GOLIM4: variants seen among roughly 807,000 people sequenced by gnomAD.
The protein encoded by GOLIM4 is golgi integral membrane protein 4.
GOLIM4 carries 71 observed loss-of-function variants against 107.4 expected under a neutral mutation model. The ratio of observed to expected loss-of-function variants is 0.66; its 90% CI spans 0.55 to 0.81. GOLIM4 has a LOEUF of 0.81. Among genes scored for constraint, GOLIM4 ranks in the 30% least tolerant of loss-of-function variants. GOLIM4 has a pLI of 0.00. For synonymous variants in GOLIM4, 327 were observed against 294.8 expected, an observed-to-expected ratio of 1.11 and a Z score of -1.12; for missense variants, 830 against 826.1, an observed-to-expected ratio of 1.00 and a Z score of -0.06.
intron 1 of GOLIM4, among the ~76,000 whole-genome samples, chr3:168,083,094 C>CT (rs2108290856): frequency 6.6e-6 from 1 of 152,292 alleles, no homozygotes; most frequent in East Asian, 1.9e-4. Flanking sequence ...TCAGAACACA[C>CT]TTAATGACCT....
intron 8 of GOLIM4, among the ~76,000 whole-genome samples, chr3:168,033,343 C>T (rs1484183209): frequency 6.6e-5 from 10 of 152,120 alleles, no homozygotes; most frequent in East Asian, 5.8e-4. Flanking sequence ...CGGTGGCTCA[C>T]GCCTGTAATC....
chr3:168,074,115 G>A (rs1720959265), intron 1 of GOLIM4, among the ~76,000 whole-genome samples: 1 of 152,202 alleles, frequency 6.6e-6, no homozygotes, highest in African/African-American at 2.4e-5. Flanking sequence ...CGCACACAGA[G>A]AGAAACAGGT....
rs777487495 is a variant in GOLIM4 at position 168,032,767 on chromosome 3, T to C, written c.929A>G (p.Lys310Arg). ...TGGGGGAGCCTGAAATTCTGCCTCC[T>C]TATGGGTGGGAGCATAGAGTTTTGT... Reference protein sequence around the residue: ...EDTKLYAPTHKEAEFQAPPEP... With the variant: ...EDTKLYAPTHREAEFQAPPEP... The change falls in exon 9 of 16, where the codon AAG becomes AGG. Residue 310 changes from lysine (K) to arginine (R), a missense_variant. Lys to Arg is a conservative substitution (Grantham distance 26). Coordinates refer to ENST00000470487, the MANE Select transcript of GOLIM4 (RefSeq NM_014498.5). 17 of 1,614,012 alleles carry C rather than the reference T, an allele frequency of 1.1e-5. No individual in the cohort carries two copies. The highest frequency in any genetic ancestry group is 1.4e-5 in the Non-Finnish European group (17 of 1,179,906).
intron 1 of GOLIM4, among the ~76,000 whole-genome samples, chr3:168,076,197 A>G (rs1721076120): frequency 6.6e-6 from 1 of 152,220 alleles, no homozygotes; most frequent in Admixed American, 6.5e-5. Flanking sequence ...TATTACTGAC[A>G]TATTTTTCAC....
chr3:168,035,166 G>A (rs1009999538), intron 8 of GOLIM4, among the ~76,000 whole-genome samples: 4 of 152,102 alleles, frequency 2.6e-5, no homozygotes, highest in Admixed American at 1.3e-4. Context: ...AGATTCTGGC[G>A]AGGTTGTGAA....
At chr3:168,054,426 T>C (rs1283132426) in intron 1 of GOLIM4, among the ~76,000 whole-genome samples, 1 of 152,170 alleles carries the variant, frequency 6.6e-6, no homozygotes, top group Admixed American at 6.5e-5. Context: ...CTCACTGCTC[T>C]TGCTCCAGGT....
intron 7 of GOLIM4, among the ~76,000 whole-genome samples, chr3:168,037,206 G>C (rs1718704732): frequency 6.6e-6 from 1 of 152,084 alleles, no homozygotes; most frequent in South Asian, 2.1e-4. Flanking sequence ...GAAGGAAACA[G>C]AAAAAATATC....
At chr3:168,053,600 G>T (rs7615282) in intron 1 of GOLIM4, among the ~76,000 whole-genome samples, 1 of 152,148 alleles carries the variant, frequency 6.6e-6, no homozygotes, top group Non-Finnish European at 1.5e-5. Context: ...AGAATAAATT[G>T]AAATTAATAT....
At chr3:168,021,156 A>G (rs977532564) in intron 14 of GOLIM4, among the ~76,000 whole-genome samples, 1 of 152,224 alleles carries the variant, frequency 6.6e-6, no homozygotes, top group African/African-American at 2.4e-5. Flanking sequence ...AGAGTCTGAA[A>G]TGGGCTTTGG....
At chr3:168,046,038 C>T (rs1056658259) in intron 3 of GOLIM4, among the ~76,000 whole-genome samples, 2 of 152,260 alleles carry the variant, frequency 1.3e-5, no homozygotes, top group Non-Finnish European at 1.5e-5. Flanking sequence ...TGTACCATCA[C>T]GCCCAGCTAA....
intron 1 of GOLIM4, among the ~76,000 whole-genome samples, chr3:168,094,089 A>T (rs1014011888): frequency 2.0e-5 from 3 of 152,234 alleles, no homozygotes. Context: ...CTGCATAAGT[A>T]TTGAAAACTA....
chr3:168,031,249 G>A (rs1413458980), intron 9 of GOLIM4, among the ~76,000 whole-genome samples: 1 of 152,112 alleles, frequency 6.6e-6, no homozygotes, highest in Non-Finnish European at 1.5e-5. Flanking sequence ...GAAGGAATAA[G>A]ACCTAATGTT....
At chr3:168,087,086 C>A (rs1161071856) in intron 1 of GOLIM4, among the ~76,000 whole-genome samples, 1 of 152,070 alleles carries the variant, frequency 6.6e-6, no homozygotes, top group Non-Finnish European at 1.5e-5. Flanking sequence ...TGCAGGCACC[C>A]CTCAGGCGAG....
intron 1 of GOLIM4, among the ~76,000 whole-genome samples, chr3:168,083,873 G>C (rs116121971): frequency 0.014 from 2,103 of 152,296 alleles, 54 homozygotes; most frequent in African/African-American, 0.046. Flanking sequence ...AATTCAGCAT[G>C]TGCTGAATGT....
At chr3:168,065,185 C>T (rs1415317803) in intron 1 of GOLIM4, among the ~76,000 whole-genome samples, 1 of 152,118 alleles carries the variant, frequency 6.6e-6, no homozygotes, top group African/African-American at 2.4e-5. Flanking sequence ...CCAATGTCCT[C>T]CTGATGTTAA....
intron 9 of GOLIM4, among the ~76,000 whole-genome samples, chr3:168,030,357 A>G (rs544577833): frequency 6.6e-6 from 1 of 152,220 alleles, no homozygotes; most frequent in African/African-American, 2.4e-5. Flanking sequence ...AGGCTCTGAT[A>G]TAAACAAGTA....
intron 14 of GOLIM4, among the ~76,000 whole-genome samples, chr3:168,023,715 A>G (rs1314564470): frequency 2.0e-5 from 3 of 152,234 alleles, no homozygotes; most frequent in Middle Eastern, 6.3e-3. Context: ...GTCCATAATG[A>G]GACTAAATAC....
intron 15 of GOLIM4, 98 bp from the exon 16 acceptor site, chr3:168,010,516 A>AG: frequency 1.1e-6 from 1 of 869,976 alleles, no homozygotes; most frequent in Non-Finnish European, 1.8e-6. Context: ...TCATTTTTGG[A>AG]GGAAAAAAAA....
chr3:168,037,816 A>C (rs1278381542), intron 7 of GOLIM4, among the ~76,000 whole-genome samples: 1 of 152,232 alleles, frequency 6.6e-6, no homozygotes, highest in East Asian at 1.9e-4. Context: ...CAAAATCAAG[A>C]GGCATTGTGT....
Sources: allele counts gnomAD v4.1 joint callset (sites outside exome capture counted in the v4.1 genomes callset), GRCh38; gene constraint gnomAD v4.1.1; transcripts MANE v1.5; gene names NCBI Gene and HGNC (gene_info 2026-07-23, HGNC 2026-07-21).